The following PLA2R1 variants were observed in gnomAD, a reference collection of about 807,000 sequenced individuals.
PLA2R1 encodes phospholipase A2 receptor 1.
PLA2R1 carries 158 observed loss-of-function variants against 195.9 expected under a neutral mutation model. The observed-to-expected ratio is 0.81, with a 90% CI of 0.71 to 0.92. The LOEUF is 0.92. Ranked by LOEUF, PLA2R1 falls within the 40% of genes least tolerant of loss-of-function variation. The pLI is 0.00. For synonymous variants in PLA2R1, 586 were observed against 598.2 expected, an observed-to-expected ratio of 0.98 and a Z score of 0.30; for missense variants, 1,626 against 1,764.6, an observed-to-expected ratio of 0.92 and a Z score of 1.41.
intron 20 of PLA2R1, among the ~76,000 whole-genome samples, chr2:159,961,462 A>G (rs1447975608): frequency 2.0e-5 from 3 of 152,182 alleles, no homozygotes; most frequent in Non-Finnish European, 2.9e-5. Flanking sequence ...CGTCTCCTGC[A>G]CTTTGATGTT....
At chr2:159,927,664 T>G (rs142414639), downstream of PLA2R1, among the ~76,000 whole-genome samples, 68 of 152,252 alleles carry the variant, frequency 4.5e-4, no homozygotes, top group Non-Finnish European at 7.9e-4. Context: ...CAACTATATC[T>G]CACCTTCCCA....
chr2:160,013,800 A>T (rs1692553239), intron 9 of PLA2R1, among the ~76,000 whole-genome samples: 1 of 148,414 alleles, frequency 6.7e-6, no homozygotes, highest in Non-Finnish European at 1.5e-5. Flanking sequence ...TCCCGACAGG[A>T]GGGTAGAAAT....
downstream of PLA2R1, among the ~76,000 whole-genome samples, chr2:159,929,872 G>A (rs55992304): frequency 0.66 from 97,067 of 147,978 alleles, 32,642 homozygotes; most frequent in East Asian, 0.81. Context: ...GTGTGTGTGT[G>A]TATATATATA....
chr2:159,972,348 A>G (rs1689246118), intron 17 of PLA2R1, among the ~76,000 whole-genome samples: 2 of 152,216 alleles, frequency 1.3e-5, no homozygotes, highest in South Asian at 4.1e-4. Context: ...ATGTGTTTGC[A>G]TAAAGAAATG....
At chr2:159,977,213 G>A in intron 15 of PLA2R1, 71 bp downstream of exon 15, 1 of 1,169,352 alleles carries the variant, frequency 8.6e-7, no homozygotes, top group South Asian at 1.4e-5. Context: ...GGTTTGGGGT[G>A]TTTAAATTGG....
chr2:160,041,104 A>C (rs1352139083), intron 3 of PLA2R1, among the ~76,000 whole-genome samples: 1 of 152,234 alleles, frequency 6.6e-6, no homozygotes, highest in East Asian at 1.9e-4. Flanking sequence ...CTTATTTGCT[A>C]AGCCATACTA....
chr2:160,016,669 T>TA lies in PLA2R1; in HGVS notation c.1495dup (p.Tyr499LeufsTer4). On this transcript the variant is annotated frameshift_variant, in exon 9 of 30. Coordinates refer to ENST00000283243, the MANE Select transcript of PLA2R1 (RefSeq NM_007366.5). LOFTEE classifies it high-confidence loss of function. Reference sequence around the variant, plus strand: ...GACATGGCCTGCTTTTTTACAAATGTAAAAAAGTCTTTCTTCACAATTTTT... The same window carrying TA: ...GACATGGCCTGCTTTTTTACAAATGTAAAAAAAGTCTTTCTTCACAATTTTT... The TA allele has an allele frequency of 6.2e-7, 1 of 1,609,316 alleles. No homozygotes were observed. Among genetic ancestry groups the TA allele is most frequent in the Non-Finnish European group, 8.5e-7 (1 of 1,175,624 alleles).
At chr2:159,929,681 C>T (rs951718678), downstream of PLA2R1, among the ~76,000 whole-genome samples, 2 of 152,054 alleles carry the variant, frequency 1.3e-5, no homozygotes, top group African/African-American at 4.8e-5. Context: ...TGACATTATA[C>T]CAAAAAGATA....
At chr2:160,041,100 T>G (rs1308387007) in intron 3 of PLA2R1, among the ~76,000 whole-genome samples, 1 of 152,244 alleles carries the variant, frequency 6.6e-6, no homozygotes, top group East Asian at 1.9e-4. Context: ...CTTTCTTATT[T>G]GCTAAGCCAT....
At chr2:159,995,632 C>T (rs948544768) in intron 11 of PLA2R1, among the ~76,000 whole-genome samples, 4 of 151,918 alleles carry the variant, frequency 2.6e-5, no homozygotes, top group Admixed American at 1.3e-4. Context: ...TGTGATGTTA[C>T]TTGTTTGGAG....
intron 20 of PLA2R1, among the ~76,000 whole-genome samples, chr2:159,957,764 G>GA (rs1214675406): frequency 6.6e-6 from 1 of 152,212 alleles, no homozygotes; most frequent in Non-Finnish European, 1.5e-5. Flanking sequence ...TGAAATTTAA[G>GA]AATGTTGGTA....
chr2:159,930,954 T>G (rs539938742), downstream of PLA2R1, among the ~76,000 whole-genome samples: 12 of 152,336 alleles, frequency 7.9e-5, no homozygotes, highest in Non-Finnish European at 1.0e-4. Flanking sequence ...TCTCTTTCTT[T>G]CTTGCTTATT....
chr2:159,933,222 G>A lies in PLA2R1; in HGVS notation c.*8556C>T, dbSNP rs1485621758. The stretch of plus-strand genomic sequence containing the variant: ...TTAATTCTGAGTAAAGAAGGTCACC[G>A]GTATACATAGGGTTCATTTTGTGGT... On this transcript the variant is annotated 3_prime_UTR_variant, in exon 30 of 30. Coordinates refer to ENST00000283243, the MANE Select transcript of PLA2R1 (RefSeq NM_007366.5). 3 of 152,070 alleles carry A rather than the reference G, an allele frequency of 2.0e-5. No individual in the cohort carries two copies. Among genetic ancestry groups the A allele is most frequent in the Admixed American group, 1.3e-4 (2 of 15,262 alleles). 9.4% of individuals were successfully genotyped at this position (152,070 alleles called of 1,614,324 possible).
rs372803762 is a variant in PLA2R1, at chr2:159,970,222, G to GA, written c.2596-11dup. 5.8e-5 allele frequency: 92 copies of GA among 1,594,546 alleles called. No homozygotes were observed. The African/African-American group carries it at 7.0e-4, about 12-fold the overall frequency. ...CACCATACTTTGATAGCTATTGAAA[G>GA]AAAAAAAGTCAGCATTTATTCTACT... On this transcript the variant is annotated splice_polypyrimidine_tract_variant and intron_variant, in intron 17 of 29. Coordinates refer to ENST00000283243, the MANE Select transcript of PLA2R1 (RefSeq NM_007366.5).
At chr2:160,001,918 T>C (rs1217126159) in intron 11 of PLA2R1, among the ~76,000 whole-genome samples, 1 of 151,396 alleles carries the variant, frequency 6.6e-6, no homozygotes, top group African/African-American at 2.4e-5. Flanking sequence ...GCAAAAAATA[T>C]TGAGGCTATA....
chr2:159,944,227 T>C (rs1240555349), intron 28 of PLA2R1, among the ~76,000 whole-genome samples: 1 of 152,192 alleles, frequency 6.6e-6, no homozygotes, highest in Non-Finnish European at 1.5e-5. Flanking sequence ...TGTTCCAGCT[T>C]CTATAATTCT....
At position 159,960,432 on chromosome 2, in the gene PLA2R1, T is replaced by C. The variant is rs558140044; in HGVS notation, c.2905-3805A>G. Among the ~76,000 whole-genome samples, 52 of 152,142 alleles carry C rather than the reference T, an allele frequency of 3.4e-4. 2 individuals carry two copies. In the South Asian group the frequency reaches 8.9e-3, roughly 26 times the overall value. On this transcript the variant is annotated intron_variant, in intron 20 of 29. Transcript: ENST00000283243. ...CACCACTGAATTCCCGACATCGAGA[T>C]AGTAAATGAATGAATGAATGAAGTG...
intron 6 of PLA2R1, among the ~76,000 whole-genome samples, chr2:160,024,482 T>A (rs1430032016): frequency 6.6e-6 from 1 of 152,166 alleles, no homozygotes; most frequent in Non-Finnish European, 1.5e-5. Flanking sequence ...AGTGGCACCC[T>A]GCCTCCCAGG....
intron 1 of PLA2R1, among the ~76,000 whole-genome samples, chr2:160,061,833 G>A (rs557863228): frequency 6.6e-6 from 1 of 152,274 alleles, no homozygotes; most frequent in East Asian, 1.9e-4. Flanking sequence ...GGGAGGCCTG[G>A]CTTGGGGGTC....
Sources: allele counts gnomAD v4.1 joint callset (sites outside exome capture counted in the v4.1 genomes callset), GRCh38; gene constraint gnomAD v4.1.1; transcripts MANE v1.5; gene names NCBI Gene and HGNC (gene_info 2026-07-23, HGNC 2026-07-21).